The following TMEM108 variants were observed in gnomAD, a reference collection of about 807,000 sequenced individuals.
TMEM108 encodes transmembrane protein 108, also known as cancer/testis antigen 124.
TMEM108 carries 12 observed loss-of-function variants against 35.1 expected under a neutral mutation model. The ratio of observed to expected loss-of-function variants is 0.34; its 90% confidence interval spans 0.22 to 0.55. The LOEUF is 0.55. Among genes scored for constraint, TMEM108 ranks in the 20% least tolerant of loss-of-function variants. The pLI, the probability that TMEM108 is intolerant of heterozygous loss-of-function variation, is 0.89. For missense variants in TMEM108, 680 were observed against 753.3 expected (o/e 0.90, Z 1.14); for synonymous variants, 287 against 308.6 (o/e 0.93, Z 0.73).
At chr3:133,266,239 A>G (rs1312620988) in intron 3 of TMEM108, among the ~76,000 whole-genome samples, 1 of 152,070 alleles carries the variant, frequency 6.6e-6, no homozygotes, top group Non-Finnish European at 1.5e-5. Context: ...TTGTATTCTT[A>G]TAAACCACCT....
At chr3:133,386,588 T>A (rs2073153629) in intron 4 of TMEM108, 1 of 1,461,306 alleles carries the variant, frequency 6.8e-7, no homozygotes, top group Non-Finnish European at 9.0e-7. Context: ...AATTCCCAAC[T>A]CTGTTTTAAA....
intron 2 of TMEM108, among the ~76,000 whole-genome samples, chr3:133,109,279 A>G (rs1944197372): frequency 6.6e-6 from 1 of 152,140 alleles, no homozygotes; most frequent in Non-Finnish European, 1.5e-5. Context: ...TCGAAGGTTC[A>G]TTCTAATTAC....
intron 2 of TMEM108, among the ~76,000 whole-genome samples, chr3:133,072,145 C>T (rs1222899613): frequency 6.6e-6 from 1 of 152,072 alleles, no homozygotes; most frequent in Non-Finnish European, 1.5e-5. Context: ...TCTGGGCTCT[C>T]TATTCCATTT....
At chr3:133,215,910 T>C (rs1945901178) in intron 2 of TMEM108, among the ~76,000 whole-genome samples, 1 of 152,214 alleles carries the variant, frequency 6.6e-6, no homozygotes, top group Non-Finnish European at 1.5e-5. Flanking sequence ...TAAATGCTTA[T>C]ATTTTCCCCA....
At chr3:133,126,080 G>A (rs1199660597) in intron 2 of TMEM108, among the ~76,000 whole-genome samples, 1 of 152,150 alleles carries the variant, frequency 6.6e-6, no homozygotes, top group Non-Finnish European at 1.5e-5. Context: ...AATCTAATAA[G>A]AAAGACTATC....
chr3:133,150,696 A>G (rs140852659), intron 2 of TMEM108, among the ~76,000 whole-genome samples: 2 of 152,180 alleles, frequency 1.3e-5, no homozygotes, highest in African/African-American at 4.8e-5. Context: ...AAAAAAAGCC[A>G]TTCTGTGGTT....
intron 2 of TMEM108, among the ~76,000 whole-genome samples, chr3:133,173,215 G>C (rs575791372): frequency 3.3e-5 from 5 of 152,304 alleles, no homozygotes; most frequent in Admixed American, 3.3e-4. Flanking sequence ...ACGTTGCACT[G>C]TATAAGTTTG....
intron 2 of TMEM108, among the ~76,000 whole-genome samples, chr3:133,048,340 C>A: frequency 6.6e-6 from 1 of 152,302 alleles, no homozygotes; most frequent in Non-Finnish European, 1.5e-5. Context: ...ATTCTAGAAA[C>A]TTTTACATTT....
chr3:133,379,658 G>A (rs2072942657), intron 3 of TMEM108, 94 bp from the exon 4 acceptor site: 6 of 1,272,380 alleles, frequency 4.7e-6, no homozygotes, highest in African/African-American at 3.0e-5. Context: ...CGTTTCCTGA[G>A]TTCCCAGCAC....
intron 2 of TMEM108, among the ~76,000 whole-genome samples, chr3:133,180,719 A>G (rs2107802897): frequency 6.6e-6 from 1 of 152,286 alleles, no homozygotes; most frequent in Non-Finnish European, 1.5e-5. Flanking sequence ...TAAAACATAA[A>G]TATTTGCAGC....
chr3:133,391,527 C>A (rs4854720), intron 5 of TMEM108, among the ~76,000 whole-genome samples: 69,949 of 151,942 alleles, frequency 0.46, 16,322 homozygotes, highest in East Asian at 0.56. Flanking sequence ...TTGTATAGGA[C>A]CTGCAAGGTA....
At chr3:133,309,518 T>A (rs2071092547) in intron 3 of TMEM108, among the ~76,000 whole-genome samples, 1 of 152,116 alleles carries the variant, frequency 6.6e-6, no homozygotes, top group South Asian at 2.1e-4. Context: ...AATTTCCCTC[T>A]ACACACTGCT....
chr3:133,365,450 T>C (rs949753838), intron 3 of TMEM108, among the ~76,000 whole-genome samples: 2 of 152,128 alleles, frequency 1.3e-5, no homozygotes, highest in South Asian at 4.2e-4. Context: ...ACACATAGGG[T>C]GGTATTTATA....
intron 3 of TMEM108, among the ~76,000 whole-genome samples, chr3:133,304,383 T>C (rs190630130): frequency 1.3e-5 from 2 of 152,276 alleles, no homozygotes; most frequent in East Asian, 3.9e-4. Context: ...AATTTACCCA[T>C]TGTAGGTATA....
intron 2 of TMEM108, among the ~76,000 whole-genome samples, chr3:133,152,358 C>G (rs1195353620): frequency 2.0e-5 from 3 of 152,132 alleles, no homozygotes; most frequent in Non-Finnish European, 4.4e-5. Flanking sequence ...CGTATGCTGA[C>G]TTCACTTCAT....
intron 3 of TMEM108, among the ~76,000 whole-genome samples, chr3:133,347,620 G>A (rs751373330): frequency 1.3e-5 from 2 of 151,980 alleles, no homozygotes; most frequent in African/African-American, 2.4e-5. Context: ...TATACTTGTA[G>A]TTCCTTTTCT....
intron 3 of TMEM108, chr3:133,246,315 G>T (rs918462699): frequency 6.6e-6 from 1 of 152,120 alleles, no homozygotes; most frequent in African/African-American, 2.4e-5. Flanking sequence ...AAATAGTCTG[G>T]CATGTGGGGC....
intron 3 of TMEM108, among the ~76,000 whole-genome samples, chr3:133,332,948 TC>T (rs1426754713): frequency 6.6e-6 from 1 of 152,154 alleles, no homozygotes; most frequent in African/African-American, 2.4e-5. Context: ...ATCTCCTCAG[TC>T]CCTAACATGA....
intron 2 of TMEM108, among the ~76,000 whole-genome samples, chr3:133,163,285 A>G (rs1944987462): frequency 6.6e-6 from 1 of 152,078 alleles, no homozygotes; most frequent in Non-Finnish European, 1.5e-5. Context: ...AAATTAACTT[A>G]TATACTGGCC....
Sources: allele counts gnomAD v4.1 joint callset (sites outside exome capture counted in the v4.1 genomes callset), GRCh38; gene constraint gnomAD v4.1.1; transcripts MANE v1.5; gene names NCBI Gene and HGNC (gene_info 2026-07-23, HGNC 2026-07-21).